TSPEAR: variants seen among roughly 807,000 people sequenced by gnomAD.
TSPEAR encodes the protein thrombospondin type laminin G domain and EAR repeats, also known as thrombospondin-type laminin G domain and EAR repeat-containing protein.
A neutral mutation model predicts 71.6 loss-of-function variants in TSPEAR; 69 were observed. The ratio of observed to expected loss-of-function variants is 0.96; its 90% confidence interval spans 0.79 to 1.18. The LOEUF is 1.18. Among genes scored for constraint, TSPEAR ranks in the 50% most tolerant of loss-of-function variants. The pLI, the probability that TSPEAR is intolerant of heterozygous loss-of-function variation, is 0.00. For missense variants in TSPEAR, 971 were observed against 894.9 expected, an observed-to-expected ratio of 1.09 and a Z score of -1.09; for synonymous variants, 402 against 387.2, an observed-to-expected ratio of 1.04 and a Z score of -0.45.
At chr21:44,641,997 T>C (rs1039186392) in intron 1 of TSPEAR, among the ~76,000 whole-genome samples, 6 of 151,656 alleles carry the variant, frequency 4.0e-5, no homozygotes, top group Non-Finnish European at 8.8e-5. Context: ...TCAAGGAAAA[T>C]CTAAAGAAAA....
At chr21:44,560,988 G>A (rs192163067) in intron 2 of TSPEAR, among the ~76,000 whole-genome samples, 33 of 152,048 alleles carry the variant, frequency 2.2e-4, no homozygotes, top group Non-Finnish European at 2.2e-4. Flanking sequence ...AGATCAGAGC[G>A]GAACTGAAGG....
At position 44,662,762 on chromosome 21, in the gene TSPEAR, A is replaced by G. The variant is rs587728322; in HGVS notation, c.82+48671T>C. Among the ~76,000 whole-genome samples, 11 of 152,376 alleles carry G rather than the reference A, an allele frequency of 7.2e-5. No homozygotes were observed. In the South Asian group the frequency reaches 1.9e-3, roughly 26 times the overall value. On this transcript the variant is annotated intron_variant, in intron 1 of 11. Transcript: ENST00000323084. ...TAAAAAAGTTGAACTAATACAATGT[A>G]TGTTCTCTGACCACAAAGAAATTCA...
intron 1 of TSPEAR, chr21:44,637,910 T>A: frequency 6.5e-7 from 1 of 1,530,660 alleles, no homozygotes; most frequent in Admixed American, 1.9e-5. Context: ...CTCTGGGGCT[T>A]CCACTTCATG....
chr21:44,603,151 C>G (rs1387336951), intron 1 of TSPEAR, among the ~76,000 whole-genome samples: 1 of 152,168 alleles, frequency 6.6e-6, no homozygotes, highest in Non-Finnish European at 1.5e-5. Context: ...TGTCCCTCCC[C>G]TGTGGTGGCC....
intron 1 of TSPEAR, chr21:44,627,213 C>A (rs757126820): frequency 6.2e-6 from 10 of 1,612,896 alleles, no homozygotes; most frequent in Admixed American, 1.7e-5. Context: ...GCGCTTACTC[C>A]GACTCCTGGC....
chr21:44,503,673 C>G (rs377389676), intron 11 of TSPEAR, among the ~76,000 whole-genome samples: 1,602 of 51,902 alleles, frequency 0.031, 46 homozygotes, highest in African/African-American at 0.097. Flanking sequence ...GAGCCCACAG[C>G]GGGGAAGCAA....
chr21:44,677,841 G>T, intron 1 of TSPEAR: 1 of 1,315,606 alleles, frequency 7.6e-7, no homozygotes, highest in Non-Finnish European at 1.1e-6. Flanking sequence ...GAGTTTGTCT[G>T]AGTAAGGTAT....
chr21:44,543,161 C>G (rs782521162), intron 2 of TSPEAR, among the ~76,000 whole-genome samples: 2 of 151,392 alleles, frequency 1.3e-5, no homozygotes, highest in African/African-American at 2.4e-5. Context: ...AGAATGAAAA[C>G]AAGCACAGAT....
rs889448538 is a variant in TSPEAR at position 44,499,339 on chromosome 21, T to C, written c.*444A>G. ...CAGTATAAATACACTTCCGTTCAGA[T>C]AAAACACAATAAATAGGTGGCGGCA... is the stretch of plus-strand genomic sequence containing the variant. On this transcript the variant is annotated 3_prime_UTR_variant, in exon 12 of 12. Transcript: ENST00000323084. 5.9e-6 allele frequency: 1 copy of C among 168,828 alleles called. No homozygotes were observed. Among genetic ancestry groups the C allele is most frequent in the African/African-American group, 2.4e-5 (1 of 41,572 alleles). The allele number at this position is 168,828 out of a possible 1,614,324, so 10.5% of individuals were successfully genotyped here. A position where few individuals can be genotyped will look rare whatever the true frequency, so the allele number is the denominator to read the frequency against.
chr21:44,674,271 A>G (rs115281989), intron 1 of TSPEAR, among the ~76,000 whole-genome samples: 1 of 152,032 alleles, frequency 6.6e-6, no homozygotes, highest in Non-Finnish European at 1.5e-5. Context: ...AAAAATACAA[A>G]GAAGTAACAA....
rs1987283738 is a variant in TSPEAR at position 44,695,277 on chromosome 21, G to T, written c.82+16156C>A. 6.6e-6 allele frequency among the ~76,000 whole-genome samples: 1 copy of T among 152,162 alleles called. No individual in the cohort carries two copies. The highest frequency in any genetic ancestry group is 6.5e-5 in the Admixed American group (1 of 15,280). ...CTCCCACTGGACTGGACGCTGTGCTGTCTCTCAGGTACGCAAGTGCACCAC... is the reference window on the plus strand; with the variant it reads ...CTCCCACTGGACTGGACGCTGTGCTTTCTCTCAGGTACGCAAGTGCACCAC... On this transcript the variant is annotated intron_variant, in intron 1 of 11. Transcript: ENST00000323084. The surrounding 1 kb of genome is among the most constrained non-coding windows in gnomAD (Gnocchi z 4.5).
At chr21:44,666,293 C>T in intron 1 of TSPEAR, 2 of 978,344 alleles carry the variant, frequency 2.0e-6, no homozygotes, top group Non-Finnish European at 3.0e-6. Flanking sequence ...GGCTCCAGAT[C>T]ATTCTGTCAC....
intron 5 of TSPEAR, among the ~76,000 whole-genome samples, chr21:44,529,317 C>T (rs587729166): frequency 2.6e-5 from 4 of 152,220 alleles, no homozygotes; most frequent in South Asian, 2.1e-4. Flanking sequence ...GAAAATCAAG[C>T]GGGGAGGCCC....
chr21:44,630,675 C>A (rs1424417742), intron 1 of TSPEAR, among the ~76,000 whole-genome samples: 4 of 150,538 alleles, frequency 2.7e-5, no homozygotes, highest in Non-Finnish European at 5.9e-5. Context: ...AAGGGGAAGG[C>A]AGGAAGTGAA....
chr21:44,692,833 T>C (rs1987175202), intron 1 of TSPEAR, among the ~76,000 whole-genome samples: 1 of 152,074 alleles, frequency 6.6e-6, no homozygotes. Context: ...TCCAAGTCTT[T>C]TTTTTTTCCA....
intron 1 of TSPEAR, chr21:44,591,600 G>T: frequency 1.2e-6 from 2 of 1,613,682 alleles, no homozygotes; most frequent in Non-Finnish European, 1.7e-6. Flanking sequence ...TGCAGCAGGA[G>T]GCGGTGCAGC....
chr21:44,668,028 T>G (rs1450663148), intron 1 of TSPEAR, among the ~76,000 whole-genome samples: 2 of 152,096 alleles, frequency 1.3e-5, no homozygotes, highest in Non-Finnish European at 2.9e-5. Flanking sequence ...GTACTAGAAG[T>G]TTTACTAAGA....
chr21:44,574,884 C>A (rs782443995), intron 1 of TSPEAR: 4 of 1,612,470 alleles, frequency 2.5e-6, no homozygotes, highest in Non-Finnish European at 3.4e-6. Flanking sequence ...CTGCTGCGTG[C>A]CCGTCCCTTC....
intron 11 of TSPEAR, among the ~76,000 whole-genome samples, chr21:44,503,254 G>GCCGGC (rs2052086424): frequency 2.1e-5 from 3 of 139,954 alleles, no homozygotes; most frequent in African/African-American, 8.2e-5. Context: ...ACGGGGGGAA[G>GCCGGC]CAGTGTGCTG....
Sources: allele counts gnomAD v4.1 joint callset (sites outside exome capture counted in the v4.1 genomes callset), GRCh38; gene constraint gnomAD v4.1.1; non-coding constraint Gnocchi (gnomAD v3.1); transcripts MANE v1.5; gene names NCBI Gene and HGNC (gene_info 2026-07-23, HGNC 2026-07-21).